PCDH17: variants seen among roughly 807,000 people sequenced by gnomAD.
The protein encoded by PCDH17 is protocadherin 17, also known as protocadherin-17.
Under a neutral mutation model 67.7 loss-of-function variants are expected in PCDH17, and 21 were observed. The ratio of observed to expected loss-of-function variants is 0.31; its 90% CI spans 0.22 to 0.45. PCDH17 has a LOEUF of 0.45. Among genes scored for constraint, PCDH17 ranks in the 20% least tolerant of loss-of-function variants. PCDH17 has a pLI of 1.00. For missense variants in PCDH17, 1,471 were observed against 1,564.8 expected (o/e 0.94, Z 1.01); for synonymous variants, 701 against 656.7 (o/e 1.07, Z -1.03).
chr13:57,695,676 CTGGGGCCAAATTTAAATGT>C (rs1227161603), intron 3 of PCDH17, among the ~76,000 whole-genome samples: 1 of 151,228 alleles, frequency 6.6e-6, no homozygotes, highest in Non-Finnish European at 1.5e-5. Context: ...GGATGGAAAA[CTGGGGCCAAATTTAAATGT>C]TATGGACCAA....
intron 1 of PCDH17, among the ~76,000 whole-genome samples, chr13:57,664,444 T>G (rs1955224719): frequency 6.6e-6 from 1 of 152,214 alleles, no homozygotes; most frequent in Non-Finnish European, 1.5e-5. Flanking sequence ...GCTTAGAACT[T>G]TAATAATATG....
At chr13:57,636,839 G>A (rs1954829906) in intron 1 of PCDH17, among the ~76,000 whole-genome samples, 1 of 152,006 alleles carries the variant, frequency 6.6e-6, no homozygotes, top group Non-Finnish European at 1.5e-5. Flanking sequence ...TGTCACAGAG[G>A]GTTAATGCTT....
At chr13:57,693,941 A>G (rs1955583410) in intron 3 of PCDH17, among the ~76,000 whole-genome samples, 3 of 151,024 alleles carry the variant, frequency 2.0e-5, no homozygotes, top group African/African-American at 7.3e-5. Context: ...CATTGTAGGT[A>G]CATAAATCCA....
intron 1 of PCDH17, among the ~76,000 whole-genome samples, chr13:57,648,271 C>T (rs1408975913): frequency 6.6e-6 from 1 of 151,676 alleles, no homozygotes; most frequent in Non-Finnish European, 1.5e-5. Flanking sequence ...TTGTAATAAA[C>T]CTATTATCTT....
chr13:57,713,288 C>A (rs1011695838), intron 3 of PCDH17, among the ~76,000 whole-genome samples: 2 of 151,628 alleles, frequency 1.3e-5, no homozygotes, highest in Non-Finnish European at 3.0e-5. Context: ...TACTTTAGAA[C>A]ACGGATATTG....
At chr13:57,658,853 C>T (rs1955145660) in intron 1 of PCDH17, among the ~76,000 whole-genome samples, 5 of 152,086 alleles carry the variant, frequency 3.3e-5, no homozygotes, top group Admixed American at 3.3e-4. Flanking sequence ...AATCTCTGCT[C>T]ACCTCAACCT....
At chr13:57,701,674 GT>G (rs1437975185) in intron 3 of PCDH17, among the ~76,000 whole-genome samples, 1 of 151,954 alleles carries the variant, frequency 6.6e-6, no homozygotes. Flanking sequence ...CCTGAACATA[GT>G]CCCCTATTAG....
chr13:57,651,971 CAG>C (rs1241694296), intron 1 of PCDH17, among the ~76,000 whole-genome samples: 1 of 152,054 alleles, frequency 6.6e-6, no homozygotes, highest in East Asian at 1.9e-4. Context: ...TGCATAAGAA[CAG>C]AGTTTTATTT....
intron 3 of PCDH17, among the ~76,000 whole-genome samples, chr13:57,722,288 A>G (rs750732092): frequency 9.2e-5 from 14 of 152,186 alleles, no homozygotes; most frequent in Non-Finnish European, 1.8e-4. Context: ...AAATAGCTGC[A>G]ATGAAAGGCC....
Position 57,725,299 on chromosome 13 carries a change from A to G in PCDH17, c.*5A>G. 2 of 1,534,456 alleles carry G rather than the reference A, an allele frequency of 1.3e-6. No individual in the cohort carries two copies. The highest frequency in any genetic ancestry group is 1.7e-6 in the Non-Finnish European group (2 of 1,150,484). ...CCTGTGGCTGTGAGAAAGTGAAAAA[A>G]GAAAAAAAAAAAGGCATTGGCATTT... is the stretch of plus-strand genomic sequence containing the variant. On this transcript the variant is annotated 3_prime_UTR_variant, in exon 4 of 4. Coordinates refer to ENST00000377918, the MANE Select transcript of PCDH17 (RefSeq NM_001040429.3).
chr13:57,689,374 G>A (rs1352098278), intron 3 of PCDH17, among the ~76,000 whole-genome samples: 1 of 151,908 alleles, frequency 6.6e-6, no homozygotes, highest in African/African-American at 2.4e-5. Context: ...GAGGGAGAAG[G>A]GGCAAGTTTG....
At chr13:57,709,146 C>T (rs979969869) in intron 3 of PCDH17, among the ~76,000 whole-genome samples, 10 of 150,938 alleles carry the variant, frequency 6.6e-5, no homozygotes, top group Non-Finnish European at 1.3e-4. Flanking sequence ...AAAGTCAGTA[C>T]ATTCTTAAAT....
Position 57,727,372 on chromosome 13 carries a change from T to C in PCDH17, c.*2078T>C, listed in dbSNP as rs1266581831. On this transcript the variant is annotated 3_prime_UTR_variant, in exon 4 of 4. Coordinates refer to ENST00000377918, the MANE Select transcript of PCDH17 (RefSeq NM_001040429.3). ...AGCAAAAATGTCATAAAAATTCTTA[T>C]ATTTAAAACAAAAACAAAAGCAAAA... The C allele has an allele frequency of 6.6e-6, 1 of 152,608 alleles. No individual in the cohort carries two copies. Among genetic ancestry groups the C allele is most frequent in the Non-Finnish European group, 1.5e-5 (1 of 68,018 alleles). 9.5% of individuals were successfully genotyped at this position (152,608 alleles called of 1,614,324 possible). A position where few individuals can be genotyped will look rare whatever the true frequency, so the allele number is the denominator to read the frequency against.
intron 1 of PCDH17, among the ~76,000 whole-genome samples, chr13:57,655,339 G>C (rs1162473938): frequency 6.6e-6 from 1 of 151,860 alleles, no homozygotes; most frequent in Non-Finnish European, 1.5e-5. Flanking sequence ...ATTTTGAGAT[G>C]TAAGAATGGT....
intron 3 of PCDH17, among the ~76,000 whole-genome samples, chr13:57,690,768 T>C (rs1955551177): frequency 6.6e-6 from 1 of 151,590 alleles, no homozygotes; most frequent in Non-Finnish European, 1.5e-5. Context: ...CTTTGTAGTA[T>C]CATTTATGTG....
chr13:57,673,313 C>T (rs529142182), intron 3 of PCDH17, among the ~76,000 whole-genome samples: 139 of 152,066 alleles, frequency 9.1e-4, no homozygotes, highest in Middle Eastern at 3.4e-3. Context: ...TCTTGCTATG[C>T]TTTAAGGCCC....
rs1277393467 is a variant in PCDH17 at position 57,725,358 on chromosome 13, T to TC, written c.*66dup. 1 of 1,427,554 alleles carries TC rather than the reference T, an allele frequency of 7.0e-7. No individual in the cohort carries two copies. The highest frequency in any genetic ancestry group is 2.3e-5 in the East Asian group (1 of 43,782). The allele number at this position is 1,427,554 out of a possible 1,614,324, so 88.4% of individuals were successfully genotyped here. On this transcript the variant is annotated 3_prime_UTR_variant, in exon 4 of 4. Transcript: ENST00000377918. ...CTTCTGTTGATTTAAAAATGATCCCTCCTGGTGATAACCCATTTTACAGGG... is the reference window on the plus strand; with the variant it reads ...CTTCTGTTGATTTAAAAATGATCCCTCCCTGGTGATAACCCATTTTACAGGG...
At chr13:57,645,139 A>T (rs1178595978) in intron 1 of PCDH17, among the ~76,000 whole-genome samples, 1 of 151,688 alleles carries the variant, frequency 6.6e-6, no homozygotes, top group Non-Finnish European at 1.5e-5. Flanking sequence ...ATTGATCTAC[A>T]CACAAACTAA....
intron 1 of PCDH17, among the ~76,000 whole-genome samples, chr13:57,637,199 C>G (rs1954834597): frequency 1.3e-5 from 2 of 152,074 alleles, no homozygotes; most frequent in Non-Finnish European, 2.9e-5. Context: ...CATAAAGACA[C>G]AAACTATGTT....
Sources: allele counts gnomAD v4.1 joint callset (sites outside exome capture counted in the v4.1 genomes callset), GRCh38; gene constraint gnomAD v4.1.1; transcripts MANE v1.5; gene names NCBI Gene and HGNC (gene_info 2026-07-23, HGNC 2026-07-21).